Variants in PDK1 observed in about 807,000 individuals in gnomAD.
PDK1 encodes [Pyruvate dehydrogenase (acetyl-transferring)] kinase isozyme 1, mitochondrial.
PDK1 carries 39 observed loss-of-function variants against 54.2 expected under a neutral mutation model. The ratio of observed to expected loss-of-function variants is 0.72; its 90% CI spans 0.56 to 0.94. The LOEUF is 0.94. Ranked by LOEUF, PDK1 falls within the 40% of genes least tolerant of loss-of-function variation. The pLI is 0.00. For synonymous variants in PDK1, 221 were observed against 207.1 expected (o/e 1.07, Z -0.58); for missense variants, 552 against 566.0 (o/e 0.98, Z 0.25).
At chr2:172,615,067 G>T in the PDK1 span, among the ~76,000 whole-genome samples, 1 of 152,142 alleles carries the variant, frequency 6.6e-6, no homozygotes, top group Non-Finnish European at 1.5e-5. Context: ...TTGCTCCTGT[G>T]TGGGTGGAGT....
the PDK1 span, among the ~76,000 whole-genome samples, chr2:172,625,931 G>A: frequency 5.3e-5 from 8 of 152,216 alleles, no homozygotes; most frequent in South Asian, 2.1e-4. Context: ...AAACATAAAC[G>A]TCACAAAGAT....
At chr2:172,717,300 C>A in the PDK1 span, among the ~76,000 whole-genome samples, 22 of 152,140 alleles carry the variant, frequency 1.4e-4, no homozygotes, top group Non-Finnish European at 2.6e-4. Context: ...ATGGCTGCAG[C>A]CTGGCTTGAC....
At chr2:172,713,819 T>C in the PDK1 span, among the ~76,000 whole-genome samples, 1 of 151,724 alleles carries the variant, frequency 6.6e-6, no homozygotes, top group Non-Finnish European at 1.5e-5. Context: ...GTGGATCCCG[T>C]CTGTTCCCGG....
At chr2:172,567,078 T>A in intron 6 of PDK1, 145 bp downstream of exon 6, 1 of 488,440 alleles carries the variant, frequency 2.0e-6, no homozygotes, top group Non-Finnish European at 3.6e-6. Flanking sequence ...GTAAAAAATA[T>A]ATCTATAAAC....
At chr2:172,641,730 G>A in the PDK1 span, among the ~76,000 whole-genome samples, 16 of 152,146 alleles carry the variant, frequency 1.1e-4, no homozygotes, top group African/African-American at 3.4e-4. Context: ...AGGCATGAGC[G>A]ACCACACCCT....
the PDK1 span, among the ~76,000 whole-genome samples, chr2:172,719,104 T>C: frequency 6.6e-6 from 1 of 152,200 alleles, no homozygotes; most frequent in Non-Finnish European, 1.5e-5. Context: ...TCCTCTTATT[T>C]AGCATAATAC....
In PDK1 at chr2:172,556,135, T is replaced by C; in HGVS notation, c.-16T>C. On this transcript the variant is annotated 5_prime_UTR_variant, in exon 1 of 11. Coordinates refer to ENST00000282077, the MANE Select transcript of PDK1 (RefSeq NM_002610.5). The stretch of plus-strand genomic sequence containing the variant: ...AACCTGGCGTACTGGCTGTGGCTTC[T>C]CTAGCGGGACTCGGCATGAGGCTGG... The C allele has an allele frequency of 7.1e-7, 1 of 1,400,560 alleles. No homozygotes were observed. Among genetic ancestry groups the C allele is most frequent in the Non-Finnish European group, 9.2e-7 (1 of 1,083,518 alleles). The allele number at this position is 1,400,560 out of a possible 1,614,324, so 86.8% of individuals were successfully genotyped here. A position where few individuals can be genotyped will look rare whatever the true frequency, so the allele number is the denominator to read the frequency against.
chr2:172,559,597 G>A (rs1224095940), intron 2 of PDK1, among the ~76,000 whole-genome samples: 1 of 152,064 alleles, frequency 6.6e-6, no homozygotes, highest in Non-Finnish European at 1.5e-5. Flanking sequence ...GCCCAGGCTG[G>A]AGTGCAATGG....
chr2:172,707,109 C>G, the PDK1 span, among the ~76,000 whole-genome samples: 1 of 152,148 alleles, frequency 6.6e-6, no homozygotes, highest in Non-Finnish European at 1.5e-5. Flanking sequence ...CTCTGATACC[C>G]CACCAGCAGG....
At chr2:172,618,241 GTCA>G in the PDK1 span, among the ~76,000 whole-genome samples, 1 of 152,146 alleles carries the variant, frequency 6.6e-6, no homozygotes, top group Non-Finnish European at 1.5e-5. Flanking sequence ...GGACCCTGAA[GTCA>G]TCATTCATCT....
rs541066326 is a variant in PDK1 at position 172,569,551 on chromosome 2, C to G, written c.846+734C>G. Among the ~76,000 whole-genome samples the G allele has an allele frequency of 2.1e-3, 319 of 152,120 alleles. 1 individual carries two copies. Among genetic ancestry groups the G allele is most frequent in the African/African-American group, 7.3e-3 (303 of 41,498 alleles). On this transcript the variant is annotated intron_variant, in intron 7 of 10. Coordinates refer to ENST00000282077, the MANE Select transcript of PDK1 (RefSeq NM_002610.5). ...TCAGTTGTGTTTCATCAGCCAGCAG[C>G]AAACTAGAGGAAAGAGGGGGTGGCT...
At chr2:172,667,508 T>C in the PDK1 span, among the ~76,000 whole-genome samples, 3 of 152,158 alleles carry the variant, frequency 2.0e-5, no homozygotes, top group Admixed American at 6.5e-5. Flanking sequence ...GTGCAAACAT[T>C]TGCTATCTCT....
chr2:172,649,769 G>A, the PDK1 span, among the ~76,000 whole-genome samples: 5 of 152,126 alleles, frequency 3.3e-5, no homozygotes, highest in African/African-American at 7.2e-5. Flanking sequence ...GAAATGAAGC[G>A]AGAACAGAAG....
downstream of PDK1, among the ~76,000 whole-genome samples, chr2:172,609,024 C>G (rs994006917): frequency 6.6e-6 from 1 of 152,092 alleles, no homozygotes; most frequent in African/African-American, 2.4e-5. Flanking sequence ...CTACATTATG[C>G]AAAATTAAAA....
chr2:172,585,709 T>C (rs1022472925), intron 8 of PDK1, among the ~76,000 whole-genome samples: 1 of 152,174 alleles, frequency 6.6e-6, no homozygotes, highest in Non-Finnish European at 1.5e-5. Context: ...AGTTCTGTGC[T>C]ATAATGCACT....
At chr2:172,697,265 C>T in the PDK1 span, among the ~76,000 whole-genome samples, 6 of 152,156 alleles carry the variant, frequency 3.9e-5, no homozygotes, top group African/African-American at 1.4e-4. Context: ...TCCCCAAGAT[C>T]TGTAATTGAC....
chr2:172,591,747 T>C (rs1369476738), intron 9 of PDK1, among the ~76,000 whole-genome samples: 1 of 152,206 alleles, frequency 6.6e-6, no homozygotes, highest in Non-Finnish European at 1.5e-5. Flanking sequence ...TAGCAAACTT[T>C]ACTTTTGTTG....
intron 7 of PDK1, 122 bp downstream of exon 7, chr2:172,568,939 A>G: frequency 1.5e-6 from 1 of 656,744 alleles, no homozygotes; most frequent in South Asian, 1.8e-5. Flanking sequence ...TCAGTATCAT[A>G]TCACATTGCT....
At chr2:172,634,580 A>G in the PDK1 span, among the ~76,000 whole-genome samples, 101 of 152,146 alleles carry the variant, frequency 6.6e-4, no homozygotes, top group Non-Finnish European at 1.2e-3. Flanking sequence ...GCCGTAATCT[A>G]CTTATTTTAA....
Sources: gnomAD v4.1 joint callset for allele counts (sites outside exome capture counted in the v4.1 genomes callset) on GRCh38, gnomAD v4.1.1 for gene constraint, MANE v1.5 for transcripts, NCBI Gene and HGNC (gene_info 2026-07-23, HGNC 2026-07-21) for gene names.